The following NEDD9 variants were observed in gnomAD, a reference collection of about 807,000 sequenced individuals.
NEDD9 encodes the protein enhancer of filamentation 1.
A neutral mutation model predicts 76.6 loss-of-function variants in NEDD9; 26 were observed. The ratio of observed to expected loss-of-function variants is 0.34; its 90% CI spans 0.25 to 0.47. The LOEUF (loss-of-function observed/expected upper bound fraction) is 0.47. Ranked by LOEUF, NEDD9 falls within the 20% of genes least tolerant of loss-of-function variation. The probability of loss-of-function intolerance (pLI) is 1.00; values close to 1 mark genes in which losing one functional copy is unlikely to be tolerated. For missense variants in NEDD9, 937 were observed against 1,058.5 expected (o/e 0.89, Z 1.59); for synonymous variants, 392 against 414.2 (o/e 0.95, Z 0.65).
chr6:11,366,038 C>T (rs1762758393), intron 1 of NEDD9, among the ~76,000 whole-genome samples: 1 of 152,020 alleles, frequency 6.6e-6, no homozygotes, highest in African/African-American at 2.4e-5. Flanking sequence ...GTAATCCCAG[C>T]ACTTTGGGAG....
At chr6:11,238,420 T>G (rs1473900816) in intron 3 of NEDD9, among the ~76,000 whole-genome samples, 1 of 152,220 alleles carries the variant, frequency 6.6e-6, no homozygotes, top group Non-Finnish European at 1.5e-5. Context: ...CACATGTTTG[T>G]CCGCTCAATA....
chr6:11,333,556 T>C (rs1021340493), intron 2 of NEDD9, among the ~76,000 whole-genome samples: 69 of 152,286 alleles, frequency 4.5e-4, no homozygotes, highest in African/African-American at 1.5e-3. Context: ...CCTCCCAGAA[T>C]GCAAGAAAGC....
At chr6:11,356,139 T>C (rs756410927) in intron 1 of NEDD9, among the ~76,000 whole-genome samples, 60 of 152,216 alleles carry the variant, frequency 3.9e-4, no homozygotes, top group Non-Finnish European at 7.3e-4. Flanking sequence ...TCAATTGAGA[T>C]CTGCCTAACA....
chr6:11,242,795 G>A (rs1168914727), intron 3 of NEDD9, among the ~76,000 whole-genome samples: 1 of 152,114 alleles, frequency 6.6e-6, no homozygotes, highest in Non-Finnish European at 1.5e-5. Flanking sequence ...AAACCTGGAG[G>A]CCAGATGAGC....
At chr6:11,237,408 G>A (rs1027098419), upstream of NEDD9, among the ~76,000 whole-genome samples, 7 of 152,170 alleles carry the variant, frequency 4.6e-5, no homozygotes, top group African/African-American at 1.7e-4. This position sits in a 1 kb window ranked among gnomAD's most constrained non-coding sequence, Gnocchi z 4.9. Flanking sequence ...GCCCAGGAAG[G>A]GAACAGGGAA....
At chr6:11,239,766 C>T (rs962281539) in intron 3 of NEDD9, among the ~76,000 whole-genome samples, 1 of 152,076 alleles carries the variant, frequency 6.6e-6, no homozygotes, top group Non-Finnish European at 1.5e-5. Flanking sequence ...AAATAATAGG[C>T]CAGGCACGGT....
upstream of NEDD9, among the ~76,000 whole-genome samples, chr6:11,236,041 G>A (rs1322334081): frequency 6.6e-6 from 1 of 152,172 alleles, no homozygotes; most frequent in Non-Finnish European, 1.5e-5. This position sits in a 1 kb window ranked among gnomAD's most constrained non-coding sequence, Gnocchi z 5.5. Context: ...CTTTATTAGT[G>A]TCATTTAGTA....
At chr6:11,200,345 G>T in intron 2 of NEDD9, 1 of 485,294 alleles carries the variant, frequency 2.1e-6, no homozygotes, top group South Asian at 1.6e-5. Flanking sequence ...TTGCCTATGA[G>T]GCTGGCAGAA....
intron 1 of NEDD9, among the ~76,000 whole-genome samples, chr6:11,347,088 C>T (rs970760224): frequency 6.6e-6 from 1 of 152,138 alleles, no homozygotes; most frequent in Non-Finnish European, 1.5e-5. Context: ...CACCTCAGGT[C>T]CTTGTGTTTC....
chr6:11,358,370 G>C (rs773684798), intron 1 of NEDD9, among the ~76,000 whole-genome samples: 4 of 151,312 alleles, frequency 2.6e-5, no homozygotes, highest in African/African-American at 4.9e-5. Flanking sequence ...AGTGCAGAAC[G>C]CTCCTCCAGT....
intron 3 of NEDD9, chr6:11,305,977 T>C (rs374631383): frequency 6.2e-4 from 996 of 1,613,910 alleles, no homozygotes; most frequent in Non-Finnish European, 7.9e-4. Context: ...TCTGTTTTTT[T>C]CTATCAGTAC....
intron 1 of NEDD9, among the ~76,000 whole-genome samples, chr6:11,344,328 T>A (rs2113525658): frequency 6.6e-6 from 1 of 152,324 alleles, no homozygotes; most frequent in East Asian, 1.9e-4. Context: ...GTCCCCGTTG[T>A]TGAAGATGTT....
At chr6:11,210,326 C>T (rs1477738023) in intron 2 of NEDD9, among the ~76,000 whole-genome samples, 1 of 152,182 alleles carries the variant, frequency 6.6e-6, no homozygotes, top group East Asian at 1.9e-4. Flanking sequence ...TTAAACCCCA[C>T]CCCGGTGGCT....
rs6937575 is a variant in NEDD9, at chr6:11,213,114, A to G, written c.459+167T>C. Among the ~76,000 whole-genome samples the G allele has an allele frequency of 0.27, 40,531 of 152,126 alleles. 6,329 individuals are homozygous for G. The highest frequency in any genetic ancestry group is 0.43 in the African/African-American group (17,892 of 41,472). On this transcript the variant is annotated intron_variant, in intron 2 of 6. Transcript: ENST00000379446. The surrounding 1 kb of genome is among the most constrained non-coding windows in gnomAD (Gnocchi z 5.4). ...TAGTTCAAAGAAGTTTTGCTGAATG[A>G]TGGATGAATGGCAAAATCATGCAAA...
At chr6:11,259,602 T>C (rs6457206) in intron 3 of NEDD9, among the ~76,000 whole-genome samples, 11,592 of 152,258 alleles carry the variant, frequency 0.076, 827 homozygotes, top group African/African-American at 0.18. Context: ...TTTGTTTGTA[T>C]GCTCTCAATT....
intron 3 of NEDD9, among the ~76,000 whole-genome samples, chr6:11,240,076 T>C (rs574445726): frequency 1.3e-5 from 2 of 151,222 alleles, no homozygotes; most frequent in East Asian, 3.9e-4. Flanking sequence ...AATTTGTTTC[T>C]GCAGATGGAG....
intron 1 of NEDD9, among the ~76,000 whole-genome samples, chr6:11,351,780 G>A (rs1762477179): frequency 2.0e-5 from 3 of 152,190 alleles, no homozygotes; most frequent in South Asian, 4.1e-4. Flanking sequence ...TCCCCTCAAA[G>A]GCTTCTGTGT....
intron 3 of NEDD9, among the ~76,000 whole-genome samples, chr6:11,192,932 CAAAAAAA>C (rs71550759): frequency 2.2e-3 from 63 of 28,168 alleles, no homozygotes; most frequent in African/African-American, 9.2e-3. Flanking sequence ...GACTCTGTCT[CAAAAAAA>C]AAAAAAAAAA....
intron 2 of NEDD9, among the ~76,000 whole-genome samples, chr6:11,323,863 C>T (rs1317517396): frequency 1.3e-5 from 2 of 152,176 alleles, no homozygotes; most frequent in Non-Finnish European, 2.9e-5. Flanking sequence ...AGCTAGTTTC[C>T]CACCCATTCT....
Sources: allele counts gnomAD v4.1 joint callset (sites outside exome capture counted in the v4.1 genomes callset), GRCh38; gene constraint gnomAD v4.1.1; non-coding constraint Gnocchi (gnomAD v3.1); transcripts MANE v1.5; gene names NCBI Gene and HGNC (gene_info 2026-07-23, HGNC 2026-07-21).